The following RBFOX1 variants were observed in gnomAD, a reference collection of about 807,000 sequenced individuals.
RBFOX1 encodes the protein RNA binding fox-1 homolog 1, also known as RNA binding protein fox-1 homolog 1.
Under a neutral mutation model 57.7 loss-of-function variants are expected in RBFOX1, and 8 were observed. The observed-to-expected ratio is 0.14, with a 90% confidence interval of 0.08 to 0.25. The LOEUF (loss-of-function observed/expected upper bound fraction) is 0.25, where lower values mean the gene tolerates loss of function less well. Ranked by LOEUF, RBFOX1 falls within the 10% of genes least tolerant of loss-of-function variation. The pLI is 1.00. For synonymous variants in RBFOX1, 326 were observed against 222.4 expected, an observed-to-expected ratio of 1.47 and a Z score of -4.15; for missense variants, 611 against 548.5, an observed-to-expected ratio of 1.11 and a Z score of -1.14.
chr16:5,640,348 T>C (rs1463153630), intron 3 of RBFOX1, among the ~76,000 whole-genome samples: 1 of 152,036 alleles, frequency 6.6e-6, no homozygotes, highest in Non-Finnish European at 1.5e-5. Flanking sequence ...CACCTGCACA[T>C]TGGCACAAGC....
chr16:7,588,743 C>T (rs1292093113), intron 7 of RBFOX1, among the ~76,000 whole-genome samples: 4 of 152,138 alleles, frequency 2.6e-5, no homozygotes, highest in South Asian at 2.1e-4. Flanking sequence ...ATGTGTATAA[C>T]CATCTTTCCC....
chr16:7,041,269 C>T (rs556632181), intron 3 of RBFOX1, among the ~76,000 whole-genome samples: 5 of 151,858 alleles, frequency 3.3e-5, no homozygotes, highest in African/African-American at 9.7e-5. Context: ...CAGTGGCACC[C>T]ATTTGTTTAC....
chr16:6,360,037 T>A (rs1417050268), intron 2 of RBFOX1, among the ~76,000 whole-genome samples: 1 of 152,210 alleles, frequency 6.6e-6, no homozygotes, highest in Non-Finnish European at 1.5e-5. Flanking sequence ...TTATTTTCAA[T>A]ATGCTGGTTG....
At chr16:6,064,087 C>T (rs993055892) in intron 1 of RBFOX1, among the ~76,000 whole-genome samples, 2 of 152,086 alleles carry the variant, frequency 1.3e-5, no homozygotes, top group Non-Finnish European at 2.9e-5. Context: ...GATACATTCC[C>T]CTTTTGGTCA....
chr16:6,029,665 C>T (rs948215905), intron 1 of RBFOX1, among the ~76,000 whole-genome samples: 11 of 147,302 alleles, frequency 7.5e-5, no homozygotes, highest in African/African-American at 2.3e-4. Flanking sequence ...CCCAGCTACT[C>T]GGAAGGCTGA....
chr16:5,518,124 A>G (rs2043863028), intron 2 of RBFOX1, among the ~76,000 whole-genome samples: 1 of 152,234 alleles, frequency 6.6e-6, no homozygotes, highest in South Asian at 2.1e-4. Context: ...CAAAGCTAAA[A>G]CAAATTTATA....
intron 3 of RBFOX1, among the ~76,000 whole-genome samples, chr16:5,730,722 A>G (rs1358707136): frequency 6.6e-6 from 1 of 151,852 alleles, no homozygotes; most frequent in Non-Finnish European, 1.5e-5. Flanking sequence ...GCTTATTATT[A>G]TCATCACCAT....
intron 3 of RBFOX1, among the ~76,000 whole-genome samples, chr16:6,841,841 A>G (rs1775620398): frequency 6.6e-6 from 1 of 152,112 alleles, no homozygotes; most frequent in Admixed American, 6.6e-5. Flanking sequence ...ATTTTTTAGC[A>G]TAAAAAATTC....
At chr16:6,353,808 C>G (rs1218611477) in intron 2 of RBFOX1, among the ~76,000 whole-genome samples, 1 of 152,168 alleles carries the variant, frequency 6.6e-6, no homozygotes, top group African/African-American at 2.4e-5. Flanking sequence ...TGGAGTGCCC[C>G]TGTCTCTTAA....
At chr16:6,327,435 A>C (rs545788636) in intron 2 of RBFOX1, among the ~76,000 whole-genome samples, 1 of 152,248 alleles carries the variant, frequency 6.6e-6, no homozygotes, top group South Asian at 2.1e-4. Flanking sequence ...CAAAGGATAG[A>C]AGCATCTTTA....
chr16:5,522,772 T>C (rs2044071470), intron 2 of RBFOX1, among the ~76,000 whole-genome samples: 1 of 152,162 alleles, frequency 6.6e-6, no homozygotes, highest in African/African-American at 2.4e-5. Flanking sequence ...AGCTTTGAAA[T>C]AGGAGTAAGA....
At chr16:5,905,539 G>C (rs111640999) in intron 4 of RBFOX1, among the ~76,000 whole-genome samples, 3 of 152,016 alleles carry the variant, frequency 2.0e-5, no homozygotes, top group African/African-American at 7.2e-5. Context: ...TGTTGAAACC[G>C]AATCTCTACA....
chr16:5,793,489 G>A (rs970984041), intron 3 of RBFOX1, among the ~76,000 whole-genome samples: 2 of 152,246 alleles, frequency 1.3e-5, no homozygotes, highest in African/African-American at 4.8e-5. Flanking sequence ...AAGCTGATGT[G>A]GCACTGGCCA....
intron 3 of RBFOX1, among the ~76,000 whole-genome samples, chr16:6,833,855 C>T (rs929430548): frequency 6.6e-6 from 1 of 152,020 alleles, no homozygotes; most frequent in Admixed American, 6.6e-5. Flanking sequence ...GTGGTGCAGA[C>T]TGAGGAGACA....
intron 3 of RBFOX1, among the ~76,000 whole-genome samples, chr16:6,820,275 A>G (rs1465193039): frequency 1.3e-5 from 2 of 152,154 alleles, no homozygotes; most frequent in Non-Finnish European, 2.9e-5. Flanking sequence ...AGTCTCAGGT[A>G]TTTCTTCATA....
rs138236362 is a variant in RBFOX1 at position 6,249,027 on chromosome 16, G to T, written c.-126-67968G>T. ...CCGTATGTTCATAGATTAAAATAAG[G>T]CAACAAACATAAATTGATCATTATA... On this transcript the variant is annotated intron_variant, in intron 1 of 15. Coordinates refer to ENST00000550418, the MANE Select transcript of RBFOX1 (RefSeq NM_018723.4). 2.6e-5 allele frequency among the ~76,000 whole-genome samples: 4 copies of T among 152,148 alleles called. No homozygotes were observed. The South Asian group carries it at 8.3e-4, about 32-fold the overall frequency.
chr16:6,369,692 G>A (rs9746071), intron 2 of RBFOX1, among the ~76,000 whole-genome samples: 3,237 of 152,002 alleles, frequency 0.021, 128 homozygotes, highest in African/African-American at 0.073. Context: ...TCACTATCAC[G>A]CATTTTCTAC....
intron 2 of RBFOX1, among the ~76,000 whole-genome samples, chr16:6,330,824 G>C (rs910367351): frequency 2.0e-5 from 3 of 152,188 alleles, no homozygotes; most frequent in Admixed American, 6.5e-5. Flanking sequence ...TTTAATGTAG[G>C]TGATCAAGGA....
chr16:6,518,711 G>C (rs368915726), intron 2 of RBFOX1, among the ~76,000 whole-genome samples: 1 of 151,740 alleles, frequency 6.6e-6, no homozygotes, highest in Non-Finnish European at 1.5e-5. Flanking sequence ...CTGTCCATCC[G>C]TCCGTCCGTC....
Sources: allele counts gnomAD v4.1 joint callset (sites outside exome capture counted in the v4.1 genomes callset), GRCh38; gene constraint gnomAD v4.1.1; transcripts MANE v1.5; gene names NCBI Gene and HGNC (gene_info 2026-07-23, HGNC 2026-07-21).